RIT2: variants seen among roughly 807,000 people sequenced by gnomAD.
RIT2 encodes the protein Ras like without CAAX 2.
A neutral mutation model predicts 23.7 loss-of-function variants in RIT2; 24 were observed. That is an observed-to-expected ratio of 1.01 (90% CI 0.73 to 1.43). The LOEUF is 1.43. RIT2 is among the 40% of genes most tolerant of loss of function. The pLI is 0.00. For missense variants in RIT2, 236 were observed against 266.9 expected, an observed-to-expected ratio of 0.88 and a Z score of 0.81; for synonymous variants, 107 against 91.1, an observed-to-expected ratio of 1.17 and a Z score of -0.99.
chr18:42,935,771 C>A (rs566693233), intron 3 of RIT2, among the ~76,000 whole-genome samples: 1 of 152,166 alleles, frequency 6.6e-6, no homozygotes, highest in South Asian at 2.1e-4. Context: ...AGCTAGAGAA[C>A]CCTCCACAGG....
chr18:43,074,790 G>A (rs1470413552), intron 1 of RIT2, among the ~76,000 whole-genome samples: 1 of 152,184 alleles, frequency 6.6e-6, no homozygotes, highest in African/African-American at 2.4e-5. Flanking sequence ...GCAAACTAAT[G>A]CAGGAACAGA....
intron 4 of RIT2, among the ~76,000 whole-genome samples, chr18:42,918,605 T>A (rs1436880184): frequency 6.6e-6 from 1 of 152,174 alleles, no homozygotes; most frequent in Non-Finnish European, 1.5e-5. Context: ...GTTTGAGTGG[T>A]ATTTGCAATT....
chr18:42,920,596 A>T, intron 4 of RIT2: 1 of 733,670 alleles, frequency 1.4e-6, no homozygotes, highest in Non-Finnish European at 2.3e-6. Flanking sequence ...CACATAATAC[A>T]CTAAAACTCG....
intron 4 of RIT2, among the ~76,000 whole-genome samples, chr18:42,795,142 T>C (rs904659356): frequency 6.6e-6 from 1 of 152,214 alleles, no homozygotes; most frequent in East Asian, 1.9e-4. Flanking sequence ...GCTCCCACTT[T>C]GGCGGCACTT....
At chr18:42,878,670 C>A (rs1328097363) in intron 4 of RIT2, among the ~76,000 whole-genome samples, 1 of 151,732 alleles carries the variant, frequency 6.6e-6, no homozygotes, top group Non-Finnish European at 1.5e-5. Context: ...CAAACTTATT[C>A]CCCATTGGCA....
At chr18:42,780,858 CCAGT>C (rs1913795413) in intron 4 of RIT2, among the ~76,000 whole-genome samples, 1 of 149,856 alleles carries the variant, frequency 6.7e-6, no homozygotes, top group African/African-American at 2.5e-5. Context: ...AAGAAGTTGT[CCAGT>C]CAGTCTGTTG....
rs117003670 is a variant in RIT2, at chr18:42,755,093, T to C, written c.427-11373A>G. Among the ~76,000 whole-genome samples the C allele has an allele frequency of 2.1e-3, 313 of 152,292 alleles. 2 individuals carry two copies. Among genetic ancestry groups the C allele is most frequent in the East Asian group, 0.011 (59 of 5,180 alleles). ...TGAGCTATCACATGAAAGGCACTTA[T>C]AGAGTTCCTAGTATACTGTGTACTC... On this transcript the variant is annotated intron_variant, in intron 4 of 4. Transcript: ENST00000326695.
At chr18:42,891,989 G>C (rs1908191444) in intron 4 of RIT2, among the ~76,000 whole-genome samples, 1 of 152,004 alleles carries the variant, frequency 6.6e-6, no homozygotes, top group African/African-American at 2.4e-5. Context: ...GTATGTGTGA[G>C]GGCAGGGGGT....
intron 3 of RIT2, among the ~76,000 whole-genome samples, chr18:42,950,612 C>T (rs915498602): frequency 6.6e-6 from 1 of 151,930 alleles, no homozygotes; most frequent in African/African-American, 2.4e-5. Flanking sequence ...AGACAACTTA[C>T]AGAATAGGAA....
At chr18:42,823,988 T>G (rs1422291096) in intron 4 of RIT2, among the ~76,000 whole-genome samples, 1 of 152,156 alleles carries the variant, frequency 6.6e-6, no homozygotes, top group Non-Finnish European at 1.5e-5. Flanking sequence ...TAAGTCGTCA[T>G]CTTTTCAAAT....
chr18:42,934,597 T>C (rs897942370), intron 3 of RIT2, among the ~76,000 whole-genome samples: 3 of 152,156 alleles, frequency 2.0e-5, no homozygotes, highest in African/African-American at 4.8e-5. Flanking sequence ...GTAGTAAATA[T>C]AAAAAGTATG....
chr18:42,816,704 A>G (rs1398748474), intron 4 of RIT2, among the ~76,000 whole-genome samples: 1 of 152,190 alleles, frequency 6.6e-6, no homozygotes, highest in Non-Finnish European at 1.5e-5. Flanking sequence ...GCTAACAAGG[A>G]ATGATACTAC....
chr18:43,011,856 A>G (rs977740701), intron 2 of RIT2, among the ~76,000 whole-genome samples: 6 of 151,846 alleles, frequency 4.0e-5, no homozygotes, highest in African/African-American at 1.4e-4. Flanking sequence ...AATATTCAAT[A>G]AAGTAGTAAT....
At chr18:42,808,590 T>C (rs193170521) in intron 4 of RIT2, among the ~76,000 whole-genome samples, 1 of 152,162 alleles carries the variant, frequency 6.6e-6, no homozygotes, top group African/African-American at 2.4e-5. Flanking sequence ...TTTTTTTTCA[T>C]GATGAATAAG....
chr18:42,868,957 C>T (rs1907544985), intron 4 of RIT2, among the ~76,000 whole-genome samples: 1 of 152,210 alleles, frequency 6.6e-6, no homozygotes, highest in African/African-American at 2.4e-5. Context: ...GGGGCTTTCA[C>T]TTCTGTACTA....
chr18:42,984,007 CTATATGTATCA>C (rs1910652835), intron 2 of RIT2, among the ~76,000 whole-genome samples: 1 of 151,982 alleles, frequency 6.6e-6, no homozygotes, highest in Non-Finnish European at 1.5e-5. Flanking sequence ...CAATTGCATT[CTATATGTATCA>C]TATAAAATAG....
intron 4 of RIT2, among the ~76,000 whole-genome samples, chr18:42,851,990 C>T (rs1429639609): frequency 6.6e-6 from 1 of 152,162 alleles, no homozygotes; most frequent in Non-Finnish European, 1.5e-5. Context: ...ACAAAGTCCT[C>T]CCTGATTTTT....
intron 2 of RIT2, among the ~76,000 whole-genome samples, chr18:43,019,302 A>G (rs1911543854): frequency 6.6e-6 from 1 of 152,066 alleles, no homozygotes; most frequent in African/African-American, 2.4e-5. Flanking sequence ...ATACTAGCAA[A>G]TTAAATCAAA....
chr18:43,025,351 ACT>A (rs150287550), intron 2 of RIT2, among the ~76,000 whole-genome samples: 7,661 of 152,130 alleles, frequency 0.05, 400 homozygotes, highest in East Asian at 0.25. Context: ...ATTAGTACAA[ACT>A]CTGCAGAAAA....
Sources: gnomAD v4.1 joint callset for allele counts (sites outside exome capture counted in the v4.1 genomes callset) on GRCh38, gnomAD v4.1.1 for gene constraint, MANE v1.5 for transcripts, NCBI Gene and HGNC (gene_info 2026-07-23, HGNC 2026-07-21) for gene names.